SCUBE2: variants seen among roughly 807,000 people sequenced by gnomAD.
SCUBE2 encodes the protein signal peptide, CUB and EGF-like domain-containing protein 2.
In SCUBE2, 114 loss-of-function variants were observed where a neutral mutation model predicts 125.9. That is an observed-to-expected ratio of 0.91 (90% CI 0.78 to 1.06). The LOEUF is 1.06. Ranked by LOEUF, SCUBE2 falls within the 50% of genes least tolerant of loss-of-function variation. SCUBE2 has a pLI of 0.00. For synonymous variants in SCUBE2, 459 were observed against 492.9 expected (o/e 0.93, Z 0.91); for missense variants, 1,255 against 1,301.8 (o/e 0.96, Z 0.55).
chr11:9,040,565 G>A (rs1301166600), intron 16 of SCUBE2, among the ~76,000 whole-genome samples: 3 of 107,094 alleles, frequency 2.8e-5, no homozygotes, highest in Admixed American at 9.4e-5. Context: ...GCATGGGTAC[G>A]TAGGAGAAAG....
chr11:9,083,982 C>T (rs1378462086), intron 2 of SCUBE2, among the ~76,000 whole-genome samples: 1 of 151,964 alleles, frequency 6.6e-6, no homozygotes, highest in African/African-American at 2.4e-5. Context: ...CATGTATTTC[C>T]CAGGTAGGAA....
At chr11:9,072,637 G>C (rs76011723) in intron 4 of SCUBE2, among the ~76,000 whole-genome samples, 8,805 of 152,196 alleles carry the variant, frequency 0.058, 840 homozygotes, top group African/African-American at 0.19. Flanking sequence ...AAGGTTCTCC[G>C]TTACCAATTG....
intron 17 of SCUBE2, 109 bp from the exon 18 acceptor site, chr11:9,031,034 A>G: frequency 1.0e-6 from 1 of 978,214 alleles, no homozygotes; most frequent in Non-Finnish European, 1.5e-6. Flanking sequence ...TGCTGACCGC[A>G]GTTCCCACCT....
At chr11:9,053,889 G>T in intron 10 of SCUBE2, 130 bp from the exon 11 acceptor site, 1 of 1,123,106 alleles carries the variant, frequency 8.9e-7, no homozygotes. Flanking sequence ...GACACTGAAT[G>T]CCTTTAGCAT....
chr11:9,091,338 A>T lies in SCUBE2; in HGVS notation c.133+58T>A, dbSNP rs1738737951. 9 of 1,222,820 alleles carry T rather than the reference A, an allele frequency of 7.4e-6. No individual in the cohort carries two copies. Among genetic ancestry groups the T allele is most frequent in the Middle Eastern group, 3.2e-4 (1 of 3,128 alleles). 75.7% of individuals were successfully genotyped at this position (1,222,820 alleles called of 1,614,324 possible). A position where few individuals can be genotyped will look rare whatever the true frequency, so the allele number is the denominator to read the frequency against. On this transcript the variant is annotated intron_variant, in intron 1 of 22. Coordinates refer to ENST00000649792, the MANE Select transcript of SCUBE2 (RefSeq NM_001367977.2). The surrounding 1 kb of genome is among the most constrained non-coding windows in gnomAD (Gnocchi z 8.5). ...GGCTCTGGACTCCGCCGGGGACCTA[A>T]ACACTCTTCCTGGCCCTGCCTGCTG... is the stretch of plus-strand genomic sequence containing the variant.
intron 7 of SCUBE2, among the ~76,000 whole-genome samples, chr11:9,061,297 C>T (rs1859660143): frequency 6.6e-6 from 1 of 152,126 alleles, no homozygotes; most frequent in Non-Finnish European, 1.5e-5. Flanking sequence ...TGGCTTACCC[C>T]TGTAATCCCA....
rs1416381546 is a variant in SCUBE2 at position 9,091,028 on chromosome 11, A to G, written c.133+368T>C. Among the ~76,000 whole-genome samples the G allele has an allele frequency of 6.6e-6, 1 of 152,148 alleles. No individual in the cohort carries two copies. The highest frequency in any genetic ancestry group is 6.5e-5 in the Admixed American group (1 of 15,284). On this transcript the variant is annotated intron_variant, in intron 1 of 22. Transcript: ENST00000649792. The surrounding 1 kb of genome is among the most constrained non-coding windows in gnomAD (Gnocchi z 8.5). The stretch of plus-strand genomic sequence containing the variant: ...CGGCAAAGCTGCCACCGCCTCGCGG[A>G]TGTGCCCGGCCCGGCCCTCAGTTTC...
Position 9,047,486 on chromosome 11 carries a change from G to A in SCUBE2, c.1872C>T (p.Ala624=), listed in dbSNP as rs756050214. 1.2e-5 allele frequency: 20 copies of A among 1,613,804 alleles called. No homozygotes were observed. In the South Asian group the frequency reaches 1.6e-4, roughly 13 times the overall value. ...LRKAIRTLRK[A]VHREQFHLQL... The stretch of plus-strand genomic sequence containing the variant: ...GGAGGTGAAACTGCTCCCTGTGGAC[G>A]GCCTTTCTGAGCGTGCGGATGGCTT... The change falls in exon 16 of 23, where the codon GCC becomes GCT. Residue 624 remains alanine (A), a synonymous_variant. Transcript: ENST00000649792.
intron 9 of SCUBE2, among the ~76,000 whole-genome samples, chr11:9,058,454 G>T (rs554645815): frequency 1.3e-5 from 2 of 151,946 alleles, no homozygotes; most frequent in South Asian, 4.2e-4. Flanking sequence ...AAATTAGCCG[G>T]GTGTGATGGT....
In SCUBE2 at chr11:9,027,452, G is replaced by C. The variant is rs746395084; in HGVS notation, c.2613C>G (p.Pro871=). Residue 871 remains proline, a synonymous_variant, in exon 20 of 23, where the codon CCC becomes CCG. Transcript: ENST00000649792. ...CCACGATCAGGATGCGGCGCTTGGG[G>C]GGTGGGTTGATGGTCCACGTACACT... The part of the protein sequence containing the change: ...NTECTWTINP[P]PKRRILIVVP... 1.9e-6 allele frequency: 3 copies of C among 1,613,978 alleles called. No homozygotes were observed. The highest frequency in any genetic ancestry group is 2.5e-6 in the Non-Finnish European group (3 of 1,180,022).
chr11:9,088,117 T>C (rs1206411973), intron 2 of SCUBE2, among the ~76,000 whole-genome samples: 1 of 152,258 alleles, frequency 6.6e-6, no homozygotes, highest in Non-Finnish European at 1.5e-5. Flanking sequence ...GGCCACAGTA[T>C]GAAACAGATT....
chr11:9,047,528 G>A lies in SCUBE2; in HGVS notation c.1830C>T (p.Thr610=), dbSNP rs753492495. 7.4e-6 allele frequency: 12 copies of A among 1,613,978 alleles called. No individual in the cohort carries two copies. The highest frequency in any genetic ancestry group is 4.5e-5 in the East Asian group (2 of 44,876). The part of the protein sequence containing the change: ...SCDLSCIVKR[T]EKRLRKAIRT... ...GGATGGCTTTACGGAGCCGCTTCTC[G>A]GTTCGCTTTACGATGCAGCTCAGGT... The change falls in exon 16 of 23, where the codon ACC becomes ACT. Residue 610 remains threonine, a synonymous_variant. Transcript: ENST00000649792.
intron 16 of SCUBE2, among the ~76,000 whole-genome samples, chr11:9,035,542 A>T (rs1856683920): frequency 1.3e-5 from 2 of 152,236 alleles, no homozygotes; most frequent in African/African-American, 4.8e-5. Context: ...AATAGAAAAA[A>T]ATTACATGAT....
At chr11:9,022,105 C>A (rs1054515243) in intron 21 of SCUBE2, 150 bp from the exon 22 acceptor site, 2 of 606,568 alleles carry the variant, frequency 3.3e-6, no homozygotes, top group Non-Finnish European at 6.0e-6. Flanking sequence ...CAGAAGAAAA[C>A]TTCCACAGAC....
chr11:9,053,896 G>T, intron 10 of SCUBE2, 137 bp from the exon 11 acceptor site: 1 of 1,046,718 alleles, frequency 9.6e-7, no homozygotes, highest in Non-Finnish European at 1.4e-6. Context: ...AATGCCTTTA[G>T]CATGAGCGCT....
chr11:9,047,516 G>T lies in SCUBE2; in HGVS notation c.1842C>A (p.Leu614=). The change falls in exon 16 of 23, where the codon CTC becomes CTA. Residue 614 remains leucine, a synonymous_variant. Transcript: ENST00000649792. ...TTCTGAGCGTGCGGATGGCTTTACGGAGCCGCTTCTCGGTTCGCTTTACGA... is the reference window on the plus strand; with the variant it reads ...TTCTGAGCGTGCGGATGGCTTTACGTAGCCGCTTCTCGGTTCGCTTTACGA... ...SCIVKRTEKR[L]RKAIRTLRKA... 1 of 1,613,942 alleles carries T rather than the reference G, an allele frequency of 6.2e-7. No individual in the cohort carries two copies. The highest frequency in any genetic ancestry group is 8.5e-7 in the Non-Finnish European group (1 of 1,180,008).
chr11:9,024,465 T>A, intron 21 of SCUBE2: 1 of 1,215,628 alleles, frequency 8.2e-7, no homozygotes, highest in Non-Finnish European at 1.1e-6. Flanking sequence ...AGGAAAGCCA[T>A]AGAATATTGT....
At chr11:9,027,597 CTG>C in intron 19 of SCUBE2, 36 bp from the exon 20 acceptor site, 1 of 1,571,156 alleles carries the variant, frequency 6.4e-7, no homozygotes, top group Non-Finnish European at 8.7e-7. Context: ...TGGCACGACA[CTG>C]TCATCTCTGT....
chr11:9,050,714 C>T lies in SCUBE2; in HGVS notation c.1535-4G>A. On this transcript the variant is annotated splice_region_variant and splice_polypyrimidine_tract_variant and intron_variant, in intron 13 of 22. Transcript: ENST00000649792. ...CTTGTCCTGATGGTGGTGACATCTT[C>T]AGAAAGAAACAAGTGAGAGATGTTA... 6.2e-7 allele frequency: 1 copy of T among 1,607,128 alleles called. No individual in the cohort carries two copies. The highest frequency in any genetic ancestry group is 2.2e-5 in the East Asian group (1 of 44,850).
Sources: gnomAD v4.1 joint callset for allele counts (sites outside exome capture counted in the v4.1 genomes callset) on GRCh38, gnomAD v4.1.1 for gene constraint, Gnocchi (gnomAD v3.1) non-coding constraint, MANE v1.5 for transcripts, NCBI Gene and HGNC (gene_info 2026-07-23, HGNC 2026-07-21) for gene names.